BAIAP2L1: variants seen among roughly 807,000 people sequenced by gnomAD.
The protein encoded by BAIAP2L1 is BAR/IMD domain-containing adapter protein 2-like 1.
BAIAP2L1 carries 35 observed loss-of-function variants against 66.3 expected under a neutral mutation model. That is an observed-to-expected ratio of 0.53 (90% CI 0.40 to 0.70). The LOEUF (loss-of-function observed/expected upper bound fraction) is 0.70, where lower values mean the gene tolerates loss of function less well. BAIAP2L1 is among the 30% of genes least tolerant of loss of function. The pLI, the probability that BAIAP2L1 is intolerant of heterozygous loss-of-function variation, is 0.00. For missense variants in BAIAP2L1, 622 were observed against 656.9 expected (o/e 0.95, Z 0.58); for synonymous variants, 269 against 248.7 (o/e 1.08, Z -0.77).
intron 12 of BAIAP2L1, 23 bp downstream of exon 12, chr7:98,304,173 C>T (rs375958780): frequency 1.1e-5 from 17 of 1,545,810 alleles, no homozygotes; most frequent in Middle Eastern, 1.8e-4. Flanking sequence ...GGACCCAGGA[C>T]GCCCTGCTGC....
chr7:98,349,152 T>C (rs2115667824), intron 3 of BAIAP2L1, among the ~76,000 whole-genome samples: 1 of 152,310 alleles, frequency 6.6e-6, no homozygotes, highest in East Asian at 1.9e-4. Flanking sequence ...GGTTATCTCT[T>C]AGGCCCATGT....
chr7:98,354,856 G>A lies in BAIAP2L1; in HGVS notation c.214+186C>T, dbSNP rs137873635. On this transcript the variant is annotated intron_variant, in intron 3 of 13. Coordinates refer to ENST00000005260, the MANE Select transcript of BAIAP2L1 (RefSeq NM_018842.5). ...TGGCCAGAAAACAAGGCCTCCACTC[G>A]CCCTCCGGCACCAGTCCCAGCCCAC... Among the ~76,000 whole-genome samples, 304 of 152,208 alleles carry A rather than the reference G, an allele frequency of 2.0e-3. No homozygotes were observed. The highest frequency in any genetic ancestry group is 0.014 in the Middle Eastern group (4 of 294).
chr7:98,393,968 G>A lies in BAIAP2L1; in HGVS notation c.51+6834C>T, dbSNP rs935506098. ...AAAATATAAAAATTAGGCCAGGCGCGGTGGCTCACGCCTGTAATCCCAGCA... is the reference window on the plus strand; with the variant it reads ...AAAATATAAAAATTAGGCCAGGCGCAGTGGCTCACGCCTGTAATCCCAGCA... On this transcript the variant is annotated intron_variant, in intron 1 of 13. Transcript: ENST00000005260. Among the ~76,000 whole-genome samples the A allele has an allele frequency of 6.7e-5, 10 of 149,110 alleles. No individual in the cohort carries two copies. The East Asian group carries it at 8.0e-4, about 12-fold the overall frequency.
chr7:98,293,712 G>T, intron 13 of BAIAP2L1, 116 bp from the exon 14 acceptor site: 1 of 953,420 alleles, frequency 1.0e-6, no homozygotes, highest in Non-Finnish European at 1.7e-6. Context: ...CACCTCCCCA[G>T]CTTGTACAGG....
intron 1 of BAIAP2L1, among the ~76,000 whole-genome samples, chr7:98,392,459 G>A (rs1311084026): frequency 6.6e-6 from 1 of 152,168 alleles, no homozygotes; most frequent in Non-Finnish European, 1.5e-5. Flanking sequence ...GCAATGTGGA[G>A]CAAACAGGCT....
At chr7:98,372,548 T>C (rs577551412) in intron 1 of BAIAP2L1, among the ~76,000 whole-genome samples, 1 of 152,154 alleles carries the variant, frequency 6.6e-6, no homozygotes, top group Non-Finnish European at 1.5e-5. Flanking sequence ...TAAGTAAATA[T>C]GCAGTTCTGT....
intron 3 of BAIAP2L1, among the ~76,000 whole-genome samples, chr7:98,332,338 G>A (rs112167611): frequency 6.0e-3 from 663 of 110,642 alleles, no homozygotes; most frequent in Non-Finnish European, 9.0e-3. Flanking sequence ...ACCCGAGATC[G>A]CTCCACTGCA....
intron 1 of BAIAP2L1, among the ~76,000 whole-genome samples, chr7:98,388,389 A>T (rs1217704223): frequency 6.6e-6 from 1 of 152,214 alleles, no homozygotes; most frequent in East Asian, 1.9e-4. Flanking sequence ...GCTACTCGGG[A>T]GGCCAAGGCA....
In BAIAP2L1 at chr7:98,293,007, TAAGTTA is replaced by T. The variant is rs1800034633; in HGVS notation, c.*508_*513del. On this transcript the variant is annotated 3_prime_UTR_variant, in exon 14 of 14. Coordinates refer to ENST00000005260, the MANE Select transcript of BAIAP2L1 (RefSeq NM_018842.5). ...CTGGAAGCTCTACACTTAAACATTT[TAAGTTA>T]AATTACATTTATATAGTATTTTCAT... 1 of 1,086,766 alleles carries T rather than the reference TAAGTTA, an allele frequency of 9.2e-7. No homozygotes were observed. Among genetic ancestry groups the T allele is most frequent in the African/African-American group, 1.6e-5 (1 of 61,270 alleles). The allele number at this position is 1,086,766 out of a possible 1,614,324, so 67.3% of individuals were successfully genotyped here. A position where few individuals can be genotyped will look rare whatever the true frequency, so the allele number is the denominator to read the frequency against.
intron 3 of BAIAP2L1, among the ~76,000 whole-genome samples, chr7:98,330,570 T>A (rs1224567234): frequency 6.6e-6 from 1 of 152,078 alleles, no homozygotes; most frequent in African/African-American, 2.4e-5. Flanking sequence ...GGCAAAAGAA[T>A]CGCTTGAACC....
At chr7:98,387,063 G>C (rs1042581730) in intron 1 of BAIAP2L1, among the ~76,000 whole-genome samples, 1 of 152,040 alleles carries the variant, frequency 6.6e-6, no homozygotes, top group South Asian at 2.1e-4. Flanking sequence ...ACCTACACGC[G>C]TATTAAGCTT....
intron 2 of BAIAP2L1, among the ~76,000 whole-genome samples, chr7:98,357,559 C>T (rs1344724375): frequency 1.1e-5 from 1 of 91,688 alleles, no homozygotes; most frequent in Non-Finnish European, 1.9e-5. Flanking sequence ...AAGTGAGACT[C>T]AGTCTCAAAA....
chr7:98,393,196 T>TAG (rs55939823), intron 1 of BAIAP2L1, among the ~76,000 whole-genome samples: 52,636 of 141,168 alleles, frequency 0.37, 12,441 homozygotes, highest in Middle Eastern at 0.54. Flanking sequence ...TGTGTGTTTA[T>TAG]ATATATATGT....
chr7:98,302,877 TG>T (rs199943779), intron 12 of BAIAP2L1, among the ~76,000 whole-genome samples: 2 of 152,274 alleles, frequency 1.3e-5, no homozygotes, highest in South Asian at 2.1e-4. Context: ...CTCGAACTTC[TG>T]GGTTCAGGCT....
intron 1 of BAIAP2L1, among the ~76,000 whole-genome samples, chr7:98,393,479 CTTTTT>C (rs1023857268): frequency 2.6e-5 from 4 of 151,872 alleles, no homozygotes; most frequent in African/African-American, 9.7e-5. Context: ...CCTTCCTTTT[CTTTTT>C]ATGTAACTTT....
chr7:98,320,534 T>C lies in BAIAP2L1; in HGVS notation c.215-236A>G, dbSNP rs558376067. On this transcript the variant is annotated intron_variant, in intron 3 of 13. Coordinates refer to ENST00000005260, the MANE Select transcript of BAIAP2L1 (RefSeq NM_018842.5). ...CATTTTTAGTAGAGACAGGGTTTCA[T>C]CGTGTTGGCCAGGCTGGTCTTGAAC... Among the ~76,000 whole-genome samples the C allele has an allele frequency of 2.6e-5, 4 of 152,236 alleles. No homozygotes were observed. In the South Asian group the frequency reaches 6.2e-4, roughly 24 times the overall value.
intron 1 of BAIAP2L1, among the ~76,000 whole-genome samples, chr7:98,396,013 G>C (rs889868439): frequency 6.6e-6 from 1 of 152,152 alleles, no homozygotes; most frequent in South Asian, 2.1e-4. Flanking sequence ...TAATGTGCAT[G>C]GAATTAAAAC....
At chr7:98,393,165 A>ATATATATACATATATGTGTACACATATG (rs1562796078) in intron 1 of BAIAP2L1, among the ~76,000 whole-genome samples, 2 of 63,022 alleles carry the variant, frequency 3.2e-5, no homozygotes, top group African/African-American at 6.2e-5. Flanking sequence ...GTACACATAT[A>ATATATATACATATATGTGTACACATATG]TGTATATATA....
intron 9 of BAIAP2L1, chr7:98,308,376 C>T (rs892180947): frequency 2.3e-6 from 1 of 436,106 alleles, no homozygotes; most frequent in Non-Finnish European, 4.6e-6. Flanking sequence ...GCTTCTCACC[C>T]CCAGGCCTAA....
Sources: allele counts gnomAD v4.1 joint callset (sites outside exome capture counted in the v4.1 genomes callset), GRCh38; gene constraint gnomAD v4.1.1; transcripts MANE v1.5; gene names NCBI Gene and HGNC (gene_info 2026-07-23, HGNC 2026-07-21).